SPINK9: variants seen among roughly 807,000 people sequenced by gnomAD.
The protein encoded by SPINK9 is serine peptidase inhibitor Kazal type 9.
In SPINK9, 3 loss-of-function variants were observed where a neutral mutation model predicts 10.8. The ratio of observed to expected loss-of-function variants is 0.28; its 90% CI spans 0.13 to 0.72. The LOEUF is 0.72. Among genes scored for constraint, SPINK9 ranks in the 30% least tolerant of loss-of-function variants. SPINK9 has a pLI of 0.74. For missense variants in SPINK9, 101 were observed against 103.2 expected (o/e 0.98, Z 0.09); for synonymous variants, 30 against 31.2 (o/e 0.96, Z 0.12).
At chr5:148,325,585 C>T (rs1251295564) in intron 2 of SPINK9, among the ~76,000 whole-genome samples, 1 of 151,898 alleles carries the variant, frequency 6.6e-6, no homozygotes, top group East Asian at 1.9e-4. Flanking sequence ...CCATTCAAAT[C>T]CTTTGCTCAT....
intron 2 of SPINK9, 54 bp downstream of exon 2, chr5:148,336,507 A>G: frequency 6.7e-7 from 1 of 1,501,632 alleles, no homozygotes; most frequent in Non-Finnish European, 9.3e-7. Flanking sequence ...TCAGTAAGGA[A>G]ATATTTGATA....
At chr5:148,328,893 G>A (rs1757106967) in intron 2 of SPINK9, among the ~76,000 whole-genome samples, 1 of 152,290 alleles carries the variant, frequency 6.6e-6, no homozygotes, top group East Asian at 1.9e-4. Context: ...TGTGTTGCTG[G>A]ATTCGGTTTG....
At chr5:148,326,844 C>T (rs1259635205) in intron 2 of SPINK9, among the ~76,000 whole-genome samples, 1 of 152,048 alleles carries the variant, frequency 6.6e-6, no homozygotes, top group East Asian at 1.9e-4. Flanking sequence ...GACATGAACT[C>T]ATCATTTTTT....
At chr5:148,324,659 T>C (rs1395943868) in intron 2 of SPINK9, among the ~76,000 whole-genome samples, 1 of 152,052 alleles carries the variant, frequency 6.6e-6, no homozygotes, top group Non-Finnish European at 1.5e-5. Flanking sequence ...GTTTCAATGT[T>C]ATGCCTTGAA....
chr5:148,332,217 C>T (rs921677937), upstream of SPINK9, among the ~76,000 whole-genome samples: 1 of 152,166 alleles, frequency 6.6e-6, no homozygotes, highest in African/African-American at 2.4e-5. Flanking sequence ...GGAGGTCAGC[C>T]TCCAAAAGAG....
rs755534893 is a variant in SPINK9 at position 148,338,602 on chromosome 5, TTAAG to T, written c.215+4_215+7del. On this transcript the variant is annotated splice_donor_variant and coding_sequence_variant, in exon 3 of 4. Transcript: ENST00000377906. LOFTEE classifies it high-confidence loss of function. ...AATGATTGCTTCTTCTGTTCTAAAG[TTAAG>T]TAAGTATTAAAATGTTTTCTTTTTC... The T allele has an allele frequency of 1.1e-5, 18 of 1,572,450 alleles. No individual in the cohort carries two copies. Among genetic ancestry groups the T allele is most frequent in the East Asian group, 4.5e-5 (2 of 44,506 alleles).
chr5:148,335,811 G>C, intron 1 of SPINK9, 143 bp downstream of exon 1: 3 of 905,706 alleles, frequency 3.3e-6, no homozygotes, highest in Non-Finnish European at 5.1e-6. Context: ...CTCAACCAAC[G>C]AATTGCTAAA....
chr5:148,330,446 T>C (rs1757133141), intron 2 of SPINK9, among the ~76,000 whole-genome samples: 1 of 152,228 alleles, frequency 6.6e-6, no homozygotes, highest in Non-Finnish European at 1.5e-5. Context: ...TGATGGGTCT[T>C]GACTCTTTAT....
chr5:148,337,632 T>G (rs1017035097), intron 2 of SPINK9, among the ~76,000 whole-genome samples: 1 of 152,180 alleles, frequency 6.6e-6, no homozygotes, highest in Non-Finnish European at 1.5e-5. Context: ...GTGCCTATTA[T>G]TCATTCAATA....
At chr5:148,329,160 T>A (rs953978042) in intron 2 of SPINK9, among the ~76,000 whole-genome samples, 1 of 152,208 alleles carries the variant, frequency 6.6e-6, no homozygotes, top group Admixed American at 6.5e-5. Flanking sequence ...TGGTAAGCTA[T>A]TAATTATTGC....
chr5:148,325,025 C>T (rs1344617936), intron 2 of SPINK9, among the ~76,000 whole-genome samples: 1 of 152,042 alleles, frequency 6.6e-6, no homozygotes, highest in Non-Finnish European at 1.5e-5. Context: ...TAAATAAAAT[C>T]ATGCAATATG....
chr5:148,326,696 A>C (rs1056896669), intron 2 of SPINK9, among the ~76,000 whole-genome samples: 1 of 151,188 alleles, frequency 6.6e-6, no homozygotes, highest in African/African-American at 2.4e-5. Flanking sequence ...CCGGTGTGTG[A>C]TGTTCCCCTT....
chr5:148,329,578 G>A (rs1000936020), intron 2 of SPINK9, among the ~76,000 whole-genome samples: 1 of 152,058 alleles, frequency 6.6e-6, no homozygotes, highest in East Asian at 1.9e-4. Flanking sequence ...TGCTTCTCTA[G>A]TTCTTTTAAT....
At chr5:148,329,886 C>G (rs1244581703) in intron 2 of SPINK9, among the ~76,000 whole-genome samples, 5 of 152,072 alleles carry the variant, frequency 3.3e-5, no homozygotes, top group Non-Finnish European at 7.3e-5. Context: ...GTTATAATTT[C>G]TGTTCTTTTA....
rs1757265734 is a variant in SPINK9 at position 148,339,763 on chromosome 5, C to G, written c.*51C>G. The G allele has an allele frequency of 6.8e-7, 1 of 1,469,600 alleles. No individual in the cohort carries two copies. The highest frequency in any genetic ancestry group is 9.5e-7 in the Non-Finnish European group (1 of 1,050,946). The allele number at this position is 1,469,600 out of a possible 1,614,324, so 91.0% of individuals were successfully genotyped here. ...TTTTAATGCATCTATTCACAAGAGT[C>G]ACATTTCTGTTCCCATATTATCTAT... is the stretch of plus-strand genomic sequence containing the variant. On this transcript the variant is annotated 3_prime_UTR_variant, in exon 4 of 4. Transcript: ENST00000377906.
At chr5:148,339,223 T>C (rs1357913258) in intron 3 of SPINK9, among the ~76,000 whole-genome samples, 1 of 152,090 alleles carries the variant, frequency 6.6e-6, no homozygotes, top group African/African-American at 2.4e-5. Context: ...TTAACATTAG[T>C]TCAAAAATTA....
intron 2 of SPINK9, among the ~76,000 whole-genome samples, chr5:148,324,085 C>T (rs557440018): frequency 1.7e-4 from 26 of 152,158 alleles, no homozygotes; most frequent in African/African-American, 6.3e-4. Flanking sequence ...TTACTAAGGC[C>T]TAAAAACATA....
chr5:148,330,591 T>C (rs1757135690), upstream of SPINK9, among the ~76,000 whole-genome samples: 1 of 152,236 alleles, frequency 6.6e-6, no homozygotes, highest in Non-Finnish European at 1.5e-5. Context: ...ATGCAGTTTC[T>C]TCCTAGCCTT....
intron 2 of SPINK9, among the ~76,000 whole-genome samples, chr5:148,328,215 C>A (rs1313502236): frequency 5.3e-5 from 8 of 152,050 alleles, no homozygotes; most frequent in Non-Finnish European, 1.2e-4. Context: ...TTGAAGAGGT[C>A]CTTCACATCC....
Sources: gnomAD v4.1 joint callset for allele counts (sites outside exome capture counted in the v4.1 genomes callset) on GRCh38, gnomAD v4.1.1 for gene constraint, MANE v1.5 for transcripts, NCBI Gene and HGNC (gene_info 2026-07-23, HGNC 2026-07-21) for gene names.